The following PPM1H variants were observed in gnomAD, a reference collection of about 807,000 sequenced individuals.
The protein encoded by PPM1H is protein phosphatase 1H.
PPM1H carries 27 observed loss-of-function variants against 54.9 expected under a neutral mutation model. The ratio of observed to expected loss-of-function variants is 0.49; its 90% CI spans 0.36 to 0.68. The LOEUF is 0.68. Ranked by LOEUF, PPM1H falls within the 30% of genes least tolerant of loss-of-function variation. The probability of loss-of-function intolerance (pLI) is 0.00; values close to 1 mark genes in which losing one functional copy is unlikely to be tolerated. For synonymous variants in PPM1H, 305 were observed against 270.8 expected, an observed-to-expected ratio of 1.13 and a Z score of -1.24; for missense variants, 596 against 667.8, an observed-to-expected ratio of 0.89 and a Z score of 1.19.
intron 5 of PPM1H, among the ~76,000 whole-genome samples, chr12:62,722,254 A>G (rs904746984): frequency 6.6e-6 from 1 of 152,218 alleles, no homozygotes; most frequent in African/African-American, 2.4e-5. Flanking sequence ...TTCAGATTGT[A>G]TCAGCATGAA....
chr12:62,776,374 TAG>T (rs922103666), intron 4 of PPM1H, among the ~76,000 whole-genome samples: 4 of 152,218 alleles, frequency 2.6e-5, no homozygotes, highest in Non-Finnish European at 5.9e-5. Context: ...TGTTTCTCTT[TAG>T]AAATTATTAC....
intron 4 of PPM1H, among the ~76,000 whole-genome samples, chr12:62,773,141 C>T (rs1183650909): frequency 2.0e-5 from 3 of 150,168 alleles, no homozygotes; most frequent in East Asian, 1.9e-4. Context: ...AGCGAGACTC[C>T]GTCTCAAAAA....
intron 4 of PPM1H, among the ~76,000 whole-genome samples, chr12:62,778,989 A>G (rs1275308724): frequency 1.3e-5 from 2 of 152,010 alleles, no homozygotes; most frequent in East Asian, 3.9e-4. Flanking sequence ...GAAAGGAAGG[A>G]AGGAAGAAAG....
intron 1 of PPM1H, among the ~76,000 whole-genome samples, chr12:62,927,816 TGA>T (rs55845101): frequency 0.096 from 14,624 of 152,124 alleles, 790 homozygotes; most frequent in East Asian, 0.21. Flanking sequence ...ATAAAAAATC[TGA>T]GAGACCAAAT....
intron 2 of PPM1H, among the ~76,000 whole-genome samples, chr12:62,807,658 G>C (rs575800402): frequency 1.3e-5 from 2 of 152,220 alleles, no homozygotes; most frequent in South Asian, 4.2e-4. Context: ...AGTTTATAAT[G>C]AGATGTTAAA....
intron 1 of PPM1H, among the ~76,000 whole-genome samples, chr12:62,915,153 T>C (rs1184837412): frequency 1.3e-5 from 2 of 152,202 alleles, no homozygotes; most frequent in Non-Finnish European, 2.9e-5. Flanking sequence ...CTCTATGCAG[T>C]TTTTGTTTTT....
intron 4 of PPM1H, among the ~76,000 whole-genome samples, chr12:62,750,662 C>T (rs4763193): frequency 0.28 from 42,736 of 151,968 alleles, 7,334 homozygotes; most frequent in Non-Finnish European, 0.37. Flanking sequence ...CATATGGTAA[C>T]CTTAACTTTC....
intron 1 of PPM1H, among the ~76,000 whole-genome samples, chr12:62,834,210 CAG>C (rs1429102529): frequency 6.6e-6 from 1 of 152,124 alleles, no homozygotes; most frequent in East Asian, 1.9e-4. Context: ...CACACACTCT[CAG>C]GGGCTGAGCA....
chr12:62,922,461 C>G (rs184570867), intron 1 of PPM1H, among the ~76,000 whole-genome samples: 242 of 152,056 alleles, frequency 1.6e-3, no homozygotes, highest in Non-Finnish European at 2.1e-3. Flanking sequence ...TCATTTTCCT[C>G]TTTTATTGAA....
chr12:62,709,226 T>C (rs570807823), intron 6 of PPM1H, among the ~76,000 whole-genome samples: 1 of 152,266 alleles, frequency 6.6e-6, no homozygotes, highest in East Asian at 1.9e-4. Flanking sequence ...AAACGTTCCA[T>C]GCTAGTCAGC....
chr12:62,724,281 T>C (rs1321739068), intron 5 of PPM1H, among the ~76,000 whole-genome samples: 2 of 152,246 alleles, frequency 1.3e-5, no homozygotes, highest in Non-Finnish European at 2.9e-5. Context: ...TCTTTTGTTA[T>C]AGGGGCATCA....
At chr12:62,805,693 G>A (rs2076801916) in intron 2 of PPM1H, among the ~76,000 whole-genome samples, 1 of 152,182 alleles carries the variant, frequency 6.6e-6, no homozygotes, top group Non-Finnish European at 1.5e-5. Context: ...CCAGGGGCTG[G>A]GGTTGAGGAA....
At chr12:62,742,228 C>A (rs1001764823) in intron 4 of PPM1H, among the ~76,000 whole-genome samples, 1 of 152,156 alleles carries the variant, frequency 6.6e-6, no homozygotes, top group African/African-American at 2.4e-5. Context: ...TAATTATATC[C>A]AAATCCATCT....
At chr12:62,799,626 AC>A (rs1471356149) in intron 3 of PPM1H, among the ~76,000 whole-genome samples, 1 of 152,192 alleles carries the variant, frequency 6.6e-6, no homozygotes, top group Non-Finnish European at 1.5e-5. Flanking sequence ...CAATTTTCCT[AC>A]CTTAATTCCC....
chr12:62,920,909 GTAAT>G (rs1205506748), intron 1 of PPM1H, among the ~76,000 whole-genome samples: 4 of 151,886 alleles, frequency 2.6e-5, no homozygotes, highest in Non-Finnish European at 5.9e-5. Flanking sequence ...GCATTTTTAT[GTAAT>G]TAATTAATTT....
chr12:62,804,570 G>A (rs1202401194), intron 2 of PPM1H, among the ~76,000 whole-genome samples: 1 of 151,382 alleles, frequency 6.6e-6, no homozygotes, highest in Admixed American at 6.6e-5. Context: ...TTTTCTCCTT[G>A]GAAGAATCTA....
intron 1 of PPM1H, among the ~76,000 whole-genome samples, chr12:62,912,174 A>C (rs1288427320): frequency 1.3e-5 from 2 of 152,252 alleles, no homozygotes; most frequent in Non-Finnish European, 2.9e-5. Context: ...AACATAGTGA[A>C]AAACTACTTA....
At chr12:62,658,176 C>A (rs931530727) in intron 9 of PPM1H, among the ~76,000 whole-genome samples, 1 of 116,348 alleles carries the variant, frequency 8.6e-6, no homozygotes, top group African/African-American at 3.5e-5. Flanking sequence ...CTGGGTAACA[C>A]GGTGAATTTT....
At chr12:62,830,426 T>C (rs1395730988) in intron 2 of PPM1H, among the ~76,000 whole-genome samples, 1 of 152,042 alleles carries the variant, frequency 6.6e-6, no homozygotes, top group Non-Finnish European at 1.5e-5. Context: ...CGGCTAATTT[T>C]TTGTATTTTT....
Sources: allele counts gnomAD v4.1 joint callset (sites outside exome capture counted in the v4.1 genomes callset), GRCh38; gene constraint gnomAD v4.1.1; transcripts MANE v1.5; gene names NCBI Gene and HGNC (gene_info 2026-07-23, HGNC 2026-07-21).